CNOT4: variants seen among roughly 807,000 people sequenced by gnomAD.
CNOT4 encodes CCR4-associated factor 4.
CNOT4 carries 8 observed loss-of-function variants against 73.8 expected under a neutral mutation model. The ratio of observed to expected loss-of-function variants is 0.11; its 90% CI spans 0.06 to 0.20. The LOEUF (loss-of-function observed/expected upper bound fraction) is 0.20. CNOT4 is among the 10% of genes least tolerant of loss of function. The probability of loss-of-function intolerance (pLI) is 1.00; values close to 1 mark genes in which losing one functional copy is unlikely to be tolerated. For missense variants in CNOT4, 564 were observed against 883.4 expected, an observed-to-expected ratio of 0.64 and a Z score of 4.58; for synonymous variants, 293 against 321.1, an observed-to-expected ratio of 0.91 and a Z score of 0.94.
rs557510913 is a variant in CNOT4 at position 135,475,716 on chromosome 7, C to T, written c.-93+34173G>A. Reference sequence around the variant, plus strand: ...CTTGAGCCCAGTAATTTGAGACCAGCCAGGCCAACATGGCAAGACCCTGCC... The same window carrying T: ...CTTGAGCCCAGTAATTTGAGACCAGTCAGGCCAACATGGCAAGACCCTGCC... On this transcript the variant is annotated intron_variant, in intron 1 of 11. Coordinates refer to ENST00000541284, the MANE Select transcript of CNOT4 (RefSeq NM_001190850.2). 9.9e-4 allele frequency among the ~76,000 whole-genome samples: 150 copies of T among 152,216 alleles called. 1 individual carries two copies. Among genetic ancestry groups the T allele is most frequent in the African/African-American group, 3.4e-3 (142 of 41,554 alleles).
In CNOT4 at chr7:135,422,372, C is replaced by A; in HGVS notation, c.175-19G>T. 2.6e-6 allele frequency: 3 copies of A among 1,149,720 alleles called. No individual in the cohort carries two copies. The highest frequency in any genetic ancestry group is 3.9e-6 in the Non-Finnish European group (3 of 763,608). The allele number at this position is 1,149,720 out of a possible 1,614,324, so 71.2% of individuals were successfully genotyped here. A position where few individuals can be genotyped will look rare whatever the true frequency, so the allele number is the denominator to read the frequency against. On this transcript the variant is annotated intron_variant, in intron 2 of 11. Transcript: ENST00000541284. ...GATATGGCTTTAAGCATGAAACAAA[C>A]ATAGACGTTAGCATTAAATTAATTA... is the stretch of plus-strand genomic sequence containing the variant.
chr7:135,495,683 A>C (rs1563083368), intron 1 of CNOT4, among the ~76,000 whole-genome samples: 2 of 97,194 alleles, frequency 2.1e-5, no homozygotes, highest in Non-Finnish European at 4.4e-5. Flanking sequence ...AAAAAAAAAA[A>C]AAAAAAAAAA....
At chr7:135,410,705 T>C (rs999614829) in intron 6 of CNOT4, 57 bp from the exon 7 acceptor site, 2 of 1,319,104 alleles carry the variant, frequency 1.5e-6, no homozygotes, top group East Asian at 2.8e-5. Context: ...TGGTATAAAA[T>C]ACTGAATAAT....
At chr7:135,440,753 T>A (rs1004178447) in intron 1 of CNOT4, among the ~76,000 whole-genome samples, 5 of 152,080 alleles carry the variant, frequency 3.3e-5, no homozygotes, top group Non-Finnish European at 1.5e-5. Context: ...ATCCCGTCTC[T>A]ACTAAAAATA....
intron 10 of CNOT4, among the ~76,000 whole-genome samples, chr7:135,371,078 C>T (rs1365810776): frequency 6.6e-6 from 1 of 152,184 alleles, no homozygotes; most frequent in East Asian, 1.9e-4. Flanking sequence ...ACTCACTATG[C>T]ACTTTATGTA....
At chr7:135,426,437 C>G (rs536030901) in intron 2 of CNOT4, among the ~76,000 whole-genome samples, 31 of 151,624 alleles carry the variant, frequency 2.0e-4, no homozygotes, top group African/African-American at 7.0e-4. Flanking sequence ...CCCATCTCTA[C>G]TAAAAATAAA....
chr7:135,386,665 G>T (rs762943800), intron 10 of CNOT4: 1 of 152,188 alleles, frequency 6.6e-6, no homozygotes, highest in Non-Finnish European at 1.5e-5. Flanking sequence ...TGAGGCAAAA[G>T]ATCATGTTTA....
At chr7:135,444,422 T>C (rs1344760086) in intron 1 of CNOT4, 1 of 746,986 alleles carries the variant, frequency 1.3e-6, no homozygotes, top group Non-Finnish European at 2.5e-6. Flanking sequence ...CATGGAATAT[T>C]AGAATATATT....
rs746937514 is a variant in CNOT4, at chr7:135,398,161, A to G, written c.879+8T>C. On this transcript the variant is annotated splice_region_variant and intron_variant, in intron 8 of 11. Coordinates refer to ENST00000541284, the MANE Select transcript of CNOT4 (RefSeq NM_001190850.2). Reference sequence around the variant, plus strand: ...AATAAATCAAGTGATACTGTATTCAAATCTTACCTGCTGGGAATTATCACC... The same window carrying G: ...AATAAATCAAGTGATACTGTATTCAGATCTTACCTGCTGGGAATTATCACC... 1 of 1,473,866 alleles carries G rather than the reference A, an allele frequency of 6.8e-7. No individual in the cohort carries two copies. The highest frequency in any genetic ancestry group is 9.5e-7 in the Non-Finnish European group (1 of 1,053,038). 91.3% of individuals were successfully genotyped at this position (1,473,866 alleles called of 1,614,324 possible). A position where few individuals can be genotyped will look rare whatever the true frequency, so the allele number is the denominator to read the frequency against.
At chr7:135,401,412 T>C (rs1465805717) in intron 7 of CNOT4, among the ~76,000 whole-genome samples, 1 of 152,276 alleles carries the variant, frequency 6.6e-6, no homozygotes, top group Middle Eastern at 3.4e-3. Flanking sequence ...TTATCAGATA[T>C]AAGAATTTGG....
At chr7:135,440,542 C>T (rs1231157739) in intron 1 of CNOT4, among the ~76,000 whole-genome samples, 1 of 152,142 alleles carries the variant, frequency 6.6e-6, no homozygotes, top group Non-Finnish European at 1.5e-5. Flanking sequence ...CTCCCTTATA[C>T]CACCTCCTAA....
At chr7:135,397,197 GA>G (rs1252630476) in intron 8 of CNOT4, among the ~76,000 whole-genome samples, 6 of 151,750 alleles carry the variant, frequency 4.0e-5, no homozygotes, top group South Asian at 2.1e-4. Flanking sequence ...AGTTCACAGA[GA>G]AAAAAATAAT....
chr7:135,475,632 G>A (rs191836277), intron 1 of CNOT4, among the ~76,000 whole-genome samples: 5 of 152,192 alleles, frequency 3.3e-5, no homozygotes, highest in East Asian at 1.9e-4. Context: ...AAAATGGGTC[G>A]GGCAAGGTGG....
At chr7:135,479,512 A>G (rs1417499863) in intron 1 of CNOT4, among the ~76,000 whole-genome samples, 1 of 151,904 alleles carries the variant, frequency 6.6e-6, no homozygotes, top group African/African-American at 2.4e-5. Context: ...CCCATCCAGA[A>G]CCAAGTATTT....
Position 135,400,945 on chromosome 7 carries a change from C to A in CNOT4, c.822-2719G>T, listed in dbSNP as rs1796970980. 3.3e-5 allele frequency among the ~76,000 whole-genome samples: 5 copies of A among 152,026 alleles called. No homozygotes were observed. The South Asian group carries it at 1.0e-3, about 32-fold the overall frequency. On this transcript the variant is annotated intron_variant, in intron 7 of 11. Coordinates refer to ENST00000541284, the MANE Select transcript of CNOT4 (RefSeq NM_001190850.2). ...GAAATTATTTTACTTCCTATGTGGA[C>A]TATAACAAGTCAATTATAGTTACAC... is the stretch of plus-strand genomic sequence containing the variant.
At chr7:135,464,183 T>C (rs1801078750) in intron 1 of CNOT4, among the ~76,000 whole-genome samples, 1 of 152,226 alleles carries the variant, frequency 6.6e-6, no homozygotes, top group Non-Finnish European at 1.5e-5. Flanking sequence ...ATCCCATTAC[T>C]GAGTATATAC....
chr7:135,472,680 T>TATGC (rs147666074), intron 1 of CNOT4, among the ~76,000 whole-genome samples: 2,969 of 149,880 alleles, frequency 0.02, 108 homozygotes, highest in African/African-American at 0.069. Context: ...GAAGTTTAAA[T>TATGC]ATGCAACACA....
chr7:135,413,625 A>G lies in CNOT4; in HGVS notation c.562-12T>C, dbSNP rs1401123784. ...GTACCTAGAGATGCCTGCAGGAGGA[A>G]GAGGGGTAAAGGAAAAGAAGACTCA... On this transcript the variant is annotated splice_polypyrimidine_tract_variant and intron_variant, in intron 5 of 11. Coordinates refer to ENST00000541284, the MANE Select transcript of CNOT4 (RefSeq NM_001190850.2). The G allele has an allele frequency of 6.2e-7, 1 of 1,606,888 alleles. No homozygotes were observed. The highest frequency in any genetic ancestry group is 1.7e-5 in the Admixed American group (1 of 59,062).
chr7:135,419,727 C>T (rs544093079), intron 3 of CNOT4, among the ~76,000 whole-genome samples: 4 of 152,094 alleles, frequency 2.6e-5, no homozygotes, highest in African/African-American at 9.6e-5. Context: ...ACTAGAGTTA[C>T]TTGAAACGGA....
Sources: gnomAD v4.1 joint callset for allele counts (sites outside exome capture counted in the v4.1 genomes callset) on GRCh38, gnomAD v4.1.1 for gene constraint, MANE v1.5 for transcripts, NCBI Gene and HGNC (gene_info 2026-07-23, HGNC 2026-07-21) for gene names.